SP140L: variants seen among roughly 807,000 people sequenced by gnomAD.
SP140L encodes nuclear body protein SP140-like protein.
Under a neutral mutation model 84.3 loss-of-function variants are expected in SP140L, and 64 were observed. The observed-to-expected ratio is 0.76, with a 90% CI of 0.62 to 0.94. SP140L has a LOEUF of 0.94. Ranked by LOEUF, SP140L falls within the 40% of genes least tolerant of loss-of-function variation. The pLI is 0.00. For synonymous variants in SP140L, 242 were observed against 236.9 expected (o/e 1.02, Z -0.20); for missense variants, 628 against 692.5 (o/e 0.91, Z 1.05).
intron 2 of SP140L, among the ~76,000 whole-genome samples, chr2:230,355,896 G>A (rs780871915): frequency 6.6e-6 from 1 of 151,824 alleles, no homozygotes; most frequent in Non-Finnish European, 1.5e-5. Context: ...CTACAGACTG[G>A]GTGAAAATAT....
chr2:230,401,843 C>T, intron 18 of SP140L, 36 bp downstream of exon 18: 3 of 1,575,106 alleles, frequency 1.9e-6, no homozygotes, highest in Middle Eastern at 1.7e-4. Flanking sequence ...TCATTTCTTT[C>T]CATCCTTCCC....
intron 2 of SP140L, among the ~76,000 whole-genome samples, chr2:230,350,824 G>T (rs2060341312): frequency 6.6e-6 from 1 of 152,060 alleles, no homozygotes; most frequent in East Asian, 1.9e-4. Context: ...AGTGAATCAA[G>T]GATCAAAAAG....
chr2:230,396,717 C>T (rs1003534734), intron 13 of SP140L, 40 bp from the exon 14 acceptor site: 1 of 1,597,030 alleles, frequency 6.3e-7, no homozygotes, highest in African/African-American at 1.3e-5. Flanking sequence ...GGAAACAATG[C>T]ATTCAATATC....
chr2:230,359,873 A>G (rs1174209038), intron 4 of SP140L, among the ~76,000 whole-genome samples: 1 of 145,188 alleles, frequency 6.9e-6, no homozygotes, highest in African/African-American at 2.5e-5. Context: ...TAAAAGAAAC[A>G]TTAATCAAAT....
Position 230,401,393 on chromosome 2 carries a change from T to C in SP140L, c.1450T>C (p.Tyr484His). 1.3e-6 allele frequency: 2 copies of C among 1,586,414 alleles called. No homozygotes were observed. The highest frequency in any genetic ancestry group is 8.6e-7 in the Non-Finnish European group (1 of 1,168,202). Reference protein sequence around the residue: ...LKCEFLLLKVYCCSESSFFAK... With the variant: ...LKCEFLLLKVHCCSESSFFAK... ...ATGTGAGTTCCTCCTCTTGAAAGTC[T>C]ATTGCTGTTCTGAGAGCTCCTTTTT... The change falls in exon 17 of 19, where the codon TAT becomes CAT. Residue 484 changes from tyrosine (Y) to histidine (H), a missense_variant. Tyr to His is a moderately conservative substitution (Grantham distance 83). Coordinates refer to ENST00000415673, the MANE Select transcript of SP140L (RefSeq NM_138402.6).
At chr2:230,382,328 T>G (rs1422894908) in intron 7 of SP140L, among the ~76,000 whole-genome samples, 1 of 152,130 alleles carries the variant, frequency 6.6e-6, no homozygotes, top group African/African-American at 2.4e-5. Flanking sequence ...CAGGGTGTTT[T>G]CCTTCTGGAC....
At chr2:230,373,227 T>C (rs2061142720) in intron 7 of SP140L, among the ~76,000 whole-genome samples, 1 of 152,230 alleles carries the variant, frequency 6.6e-6, no homozygotes, top group Admixed American at 6.5e-5. Context: ...AGCTCTAGCT[T>C]AGGTCACTGA....
intron 16 of SP140L, 68 bp downstream of exon 16, chr2:230,401,131 G>C (rs1575563765): frequency 1.4e-6 from 1 of 706,686 alleles, no homozygotes; most frequent in African/African-American, 2.0e-5. Context: ...ACAAGCGCAA[G>C]GGCAGGGGAA....
In SP140L at chr2:230,366,558, T is replaced by A. The variant is rs114289541; in HGVS notation, c.524-4350T>A. On this transcript the variant is annotated intron_variant, in intron 5 of 18. Transcript: ENST00000415673. The stretch of plus-strand genomic sequence containing the variant: ...TAGGCCATAGATACTTGAGTTTTTT[T>A]TTATTATTATTCATTCAGCCACTCT... 7.3e-3 allele frequency among the ~76,000 whole-genome samples: 1,113 copies of A among 151,822 alleles called. 12 individuals carry two copies. The highest frequency in any genetic ancestry group is 0.025 in the African/African-American group (1,029 of 41,458).
At chr2:230,401,960 T>G (rs1438586321) in intron 18 of SP140L, among the ~76,000 whole-genome samples, 153 bp downstream of exon 18, 1 of 152,180 alleles carries the variant, frequency 6.6e-6, no homozygotes. Context: ...GAACTTAAGC[T>G]CTTCTTAGCA....
intron 13 of SP140L, among the ~76,000 whole-genome samples, 170 bp from the exon 14 acceptor site, chr2:230,396,587 G>A (rs1238522585): frequency 1.3e-5 from 2 of 152,156 alleles, no homozygotes; most frequent in East Asian, 3.8e-4. Context: ...GCTTACATAG[G>A]AAATTAAAGC....
In SP140L at chr2:230,395,073, A is replaced by G. The variant is rs549725646; in HGVS notation, c.1155+1612A>G. 6.5e-5 allele frequency among the ~76,000 whole-genome samples: 9 copies of G among 138,818 alleles called. 1 individual carries two copies. The South Asian group carries it at 2.0e-3, about 31-fold the overall frequency. The allele number at this position is 138,818 out of a possible 152,430, so 91.1% of individuals were successfully genotyped here. On this transcript the variant is annotated intron_variant, in intron 13 of 18. Transcript: ENST00000415673. ...AATCTCAGCCTCGCAGGTTCAAGCA[A>G]TTCTCCTGCCTCAGCCTCCCAAGTG...
At chr2:230,389,866 G>A (rs1197016453) in intron 10 of SP140L, 53 bp from the exon 11 acceptor site, 2 of 1,533,142 alleles carry the variant, frequency 1.3e-6, no homozygotes, top group Non-Finnish European at 1.8e-6. Context: ...TCAGTGGGAA[G>A]GGGGGATGTG....
chr2:230,388,489 T>G, intron 9 of SP140L, 70 bp from the exon 10 acceptor site: 1 of 1,294,164 alleles, frequency 7.7e-7, no homozygotes, highest in Admixed American at 2.8e-5. Context: ...AATGGAATTT[T>G]TGAAAAGCAG....
chr2:230,332,966 G>A (rs1032200171), intron 2 of SP140L, among the ~76,000 whole-genome samples: 2 of 151,862 alleles, frequency 1.3e-5, no homozygotes, highest in Admixed American at 6.6e-5. Context: ...TTGGCTTACC[G>A]CATTATCCAG....
intron 7 of SP140L, among the ~76,000 whole-genome samples, chr2:230,380,735 C>A (rs562998071): frequency 1.3e-5 from 2 of 152,190 alleles, no homozygotes; most frequent in African/African-American, 4.8e-5. Flanking sequence ...GGTTTTACAG[C>A]GTGTTCTCTT....
intron 5 of SP140L, among the ~76,000 whole-genome samples, chr2:230,370,007 A>AG (rs2061008668): frequency 4.1e-5 from 6 of 147,936 alleles, no homozygotes; most frequent in African/African-American, 1.6e-4. Flanking sequence ...TTCCTGACTT[A>AG]GTGATTTGCC....
At chr2:230,358,846 A>T in intron 3 of SP140L, 118 bp from the exon 4 acceptor site, 2 of 791,336 alleles carry the variant, frequency 2.5e-6, no homozygotes, top group Non-Finnish European at 3.9e-6. Context: ...ATAAAACTTT[A>T]CATGAGAAGA....
chr2:230,385,007 G>A (rs1000421757), intron 8 of SP140L, among the ~76,000 whole-genome samples: 1 of 152,184 alleles, frequency 6.6e-6, no homozygotes, highest in African/African-American at 2.4e-5. Flanking sequence ...ATTTAAGTCT[G>A]TGTGTATTAT....
Sources: gnomAD v4.1 joint callset for allele counts (sites outside exome capture counted in the v4.1 genomes callset) on GRCh38, gnomAD v4.1.1 for gene constraint, MANE v1.5 for transcripts, NCBI Gene and HGNC (gene_info 2026-07-23, HGNC 2026-07-21) for gene names.